The following WDR41 variants were observed in gnomAD, a reference collection of about 807,000 sequenced individuals.
WDR41 encodes the protein WD repeat-containing protein 41.
Under a neutral mutation model 69.3 loss-of-function variants are expected in WDR41, and 63 were observed. The ratio of observed to expected loss-of-function variants is 0.91; its 90% CI spans 0.74 to 1.12. The LOEUF (loss-of-function observed/expected upper bound fraction) is 1.12. WDR41 is among the 50% of genes most tolerant of loss of function. The pLI, the probability that WDR41 is intolerant of heterozygous loss-of-function variation, is 0.00. For synonymous variants in WDR41, 185 were observed against 192.1 expected, an observed-to-expected ratio of 0.96 and a Z score of 0.31; for missense variants, 543 against 534.5, an observed-to-expected ratio of 1.02 and a Z score of -0.16.
intron 1 of WDR41, among the ~76,000 whole-genome samples, chr5:77,530,505 T>A (rs1442306993): frequency 6.6e-6 from 1 of 151,650 alleles, no homozygotes; most frequent in Non-Finnish European, 1.5e-5. Context: ...AAATAAGCCT[T>A]ACACAAAAAA....
intron 1 of WDR41, chr5:77,582,845 G>A (rs2112293712): frequency 1.9e-6 from 3 of 1,602,962 alleles, no homozygotes; most frequent in East Asian, 2.2e-5. Context: ...ATCTACAAGC[G>A]TGGTTATGGC....
chr5:77,491,227 C>CA, intron 1 of WDR41: 2 of 389,892 alleles, frequency 5.1e-6, no homozygotes, highest in Non-Finnish European at 1.1e-5. Context: ...CATCCTGGCT[C>CA]AAAAAGCTCC....
chr5:77,444,908 G>C (rs1799316915), intron 8 of WDR41, among the ~76,000 whole-genome samples: 1 of 152,104 alleles, frequency 6.6e-6, no homozygotes, highest in African/African-American at 2.4e-5. Flanking sequence ...TAATCCAAAA[G>C]CTAGAAGAAG....
At chr5:77,542,718 G>T (rs557757294) in intron 1 of WDR41, among the ~76,000 whole-genome samples, 3 of 152,260 alleles carry the variant, frequency 2.0e-5, no homozygotes, top group East Asian at 1.9e-4. Flanking sequence ...ATAAATAAAA[G>T]ACATCTAAAT....
chr5:77,475,002 G>A (rs562018532), intron 2 of WDR41, among the ~76,000 whole-genome samples: 51 of 152,324 alleles, frequency 3.3e-4, no homozygotes, highest in Middle Eastern at 3.4e-3. Context: ...TGCCTCACTC[G>A]GGAAGCTCAA....
In WDR41 at chr5:77,564,285, G is replaced by A. The variant is rs117267949; in HGVS notation, c.42+56194C>T. 3.7e-3 allele frequency among the ~76,000 whole-genome samples: 559 copies of A among 152,170 alleles called. 28 individuals are homozygous for A. In the East Asian group the frequency reaches 0.092, roughly 25 times the overall value. ...AATTGCATTCTTGGCCAGACACAGC[G>A]GCTCATTCCTGTAATCTCAACACTT... On this transcript the variant is annotated intron_variant, in intron 1 of 5. Coordinates refer to the WDR41 transcript ENST00000509971.
At chr5:77,616,082 T>C (rs1390432141) in intron 1 of WDR41, among the ~76,000 whole-genome samples, 2 of 151,656 alleles carry the variant, frequency 1.3e-5, no homozygotes, top group African/African-American at 2.4e-5. Flanking sequence ...CTTTAAGTCA[T>C]CATTTGAAAC....
chr5:77,433,368 G>C (rs462581), intron 12 of WDR41, 81 bp from the exon 13 acceptor site: 622,985 of 1,337,098 alleles, frequency 0.47, 150,020 homozygotes, highest in African/African-American at 0.78. Flanking sequence ...ATGTGCGTGT[G>C]AGATATGTGC....
In WDR41 at chr5:77,485,065, T is replaced by C. The variant is rs560268498; in HGVS notation, c.167+4392A>G. Among the ~76,000 whole-genome samples, 6 of 152,306 alleles carry C rather than the reference T, an allele frequency of 3.9e-5. No individual in the cohort carries two copies. The East Asian group carries it at 7.7e-4, about 20-fold the overall frequency. On this transcript the variant is annotated intron_variant, in intron 2 of 12. Coordinates refer to ENST00000296679, the MANE Select transcript of WDR41 (RefSeq NM_018268.4). ...GCAGCCTTTCCTCCAGCGGTCCCCA[T>C]TGGGCTGGCAGAAACTTTGTCACAT...
intron 1 of WDR41, among the ~76,000 whole-genome samples, chr5:77,574,445 G>A (rs530431407): frequency 4.8e-4 from 73 of 152,282 alleles, no homozygotes; most frequent in African/African-American, 1.6e-3. Flanking sequence ...CAAGAGGGAG[G>A]AGGTCAGACA....
At chr5:77,613,679 A>G (rs1285167088) in intron 1 of WDR41, among the ~76,000 whole-genome samples, 2 of 152,212 alleles carry the variant, frequency 1.3e-5, no homozygotes, top group African/African-American at 4.8e-5. Context: ...TTAGACCTAA[A>G]ACCATAAAAA....
chr5:77,486,576 A>G (rs1801533336), intron 2 of WDR41, among the ~76,000 whole-genome samples: 1 of 152,238 alleles, frequency 6.6e-6, no homozygotes, highest in Non-Finnish European at 1.5e-5. Flanking sequence ...CTGAGACTTG[A>G]AAAGTGTCTT....
At chr5:77,472,200 A>C (rs1800656461) in intron 2 of WDR41, among the ~76,000 whole-genome samples, 1 of 152,240 alleles carries the variant, frequency 6.6e-6, no homozygotes, top group African/African-American at 2.4e-5. Context: ...AGATGCAGAA[A>C]AGGCCTTTGA....
intron 10 of WDR41, among the ~76,000 whole-genome samples, 174 bp from the exon 11 acceptor site, chr5:77,437,598 A>G (rs942203097): frequency 1.3e-5 from 2 of 152,226 alleles, no homozygotes; most frequent in African/African-American, 4.8e-5. Flanking sequence ...AGCACCCTTT[A>G]GGAAAGCCAC....
At chr5:77,469,531 T>C (rs1323212571) in intron 2 of WDR41, among the ~76,000 whole-genome samples, 1 of 152,192 alleles carries the variant, frequency 6.6e-6, no homozygotes, top group Non-Finnish European at 1.5e-5. Flanking sequence ...GGTAAGACCA[T>C]TTCATAAGCA....
intron 2 of WDR41, among the ~76,000 whole-genome samples, chr5:77,468,646 T>C (rs1195464185): frequency 6.6e-6 from 1 of 152,168 alleles, no homozygotes; most frequent in East Asian, 1.9e-4. Context: ...ATAAAAAGTA[T>C]AGTCCATAAA....
At chr5:77,535,106 T>G (rs1208273679) in intron 1 of WDR41, among the ~76,000 whole-genome samples, 2 of 152,222 alleles carry the variant, frequency 1.3e-5, no homozygotes, top group South Asian at 4.1e-4. Flanking sequence ...AGCTGGACAG[T>G]CTGAATCAGG....
chr5:77,475,475 A>C (rs1240602221), intron 2 of WDR41, among the ~76,000 whole-genome samples: 1 of 152,202 alleles, frequency 6.6e-6, no homozygotes, highest in Non-Finnish European at 1.5e-5. Flanking sequence ...TGGAGATCTG[A>C]CAACGGGCAG....
chr5:77,598,722 C>A (rs899683101), intron 1 of WDR41, among the ~76,000 whole-genome samples: 1 of 147,756 alleles, frequency 6.8e-6, no homozygotes, highest in Admixed American at 6.9e-5. Context: ...CAGCCTGATG[C>A]AGTATTTTTT....
Sources: allele counts gnomAD v4.1 joint callset (sites outside exome capture counted in the v4.1 genomes callset), GRCh38; gene constraint gnomAD v4.1.1; transcripts MANE v1.5; gene names NCBI Gene and HGNC (gene_info 2026-07-23, HGNC 2026-07-21).